The following BMERB1 variants were observed in gnomAD, a reference collection of about 807,000 sequenced individuals.
BMERB1 encodes the protein bMERB domain-containing protein 1.
A neutral mutation model predicts 23.6 loss-of-function variants in BMERB1; 12 were observed. The ratio of observed to expected loss-of-function variants is 0.51; its 90% CI spans 0.33 to 0.82. The LOEUF (loss-of-function observed/expected upper bound fraction) is 0.82. Among genes scored for constraint, BMERB1 ranks in the 40% least tolerant of loss-of-function variants. The pLI, the probability that BMERB1 is intolerant of heterozygous loss-of-function variation, is 0.03. For synonymous variants in BMERB1, 122 were observed against 96.6 expected (o/e 1.26, Z -1.54); for missense variants, 247 against 255.4 (o/e 0.97, Z 0.22).
At chr16:15,579,691 A>G (rs937055070) in intron 3 of BMERB1, among the ~76,000 whole-genome samples, 2 of 151,830 alleles carry the variant, frequency 1.3e-5, no homozygotes, top group South Asian at 2.1e-4. Context: ...TTGGCATCCT[A>G]GCACTTGGTG....
chr16:15,464,031 G>C (rs1397404128), intron 1 of BMERB1, among the ~76,000 whole-genome samples: 1 of 152,156 alleles, frequency 6.6e-6, no homozygotes, highest in Non-Finnish European at 1.5e-5. Context: ...AAAGAATCAA[G>C]GCCGCGCACA....
intron 2 of BMERB1, among the ~76,000 whole-genome samples, chr16:15,545,041 C>A (rs1028213006): frequency 6.6e-6 from 1 of 152,024 alleles, no homozygotes; most frequent in Non-Finnish European, 1.5e-5. Flanking sequence ...GGTGCAATCT[C>A]GGCTCACTGC....
At chr16:15,579,312 G>T (rs1348035548) in intron 3 of BMERB1, among the ~76,000 whole-genome samples, 1 of 152,124 alleles carries the variant, frequency 6.6e-6, no homozygotes, top group Non-Finnish European at 1.5e-5. Context: ...CGAGTGATTT[G>T]GGGAATCAGA....
intron 1 of BMERB1, among the ~76,000 whole-genome samples, chr16:15,470,163 T>G (rs2051216640): frequency 6.6e-6 from 1 of 152,218 alleles, no homozygotes; most frequent in East Asian, 1.9e-4. Context: ...TTATTCCTAC[T>G]TTCTGAGACT....
At chr16:15,473,401 A>G (rs1461464711) in intron 1 of BMERB1, among the ~76,000 whole-genome samples, 1 of 150,256 alleles carries the variant, frequency 6.7e-6, no homozygotes, top group African/African-American at 2.5e-5. Context: ...AGTGCTTCTC[A>G]TGTCTCAGCC....
intron 1 of BMERB1, among the ~76,000 whole-genome samples, chr16:15,456,429 C>T (rs980245477): frequency 6.6e-6 from 1 of 151,920 alleles, no homozygotes; most frequent in African/African-American, 2.4e-5. Flanking sequence ...CTCTGCCTCC[C>T]AGGTTCAAGT....
chr16:15,507,133 T>C (rs538474353), intron 1 of BMERB1, among the ~76,000 whole-genome samples: 45 of 152,314 alleles, frequency 3.0e-4, no homozygotes, highest in African/African-American at 9.1e-4. Flanking sequence ...ATTCCTACCA[T>C]GACCCCTGAT....
At chr16:15,542,239 T>C (rs2052093094) in intron 2 of BMERB1, among the ~76,000 whole-genome samples, 1 of 151,876 alleles carries the variant, frequency 6.6e-6, no homozygotes, top group Non-Finnish European at 1.5e-5. Context: ...AATTTTTGTA[T>C]TTTTAGTAGA....
chr16:15,581,277 A>G lies in BMERB1; in HGVS notation c.365A>G (p.Lys122Arg), dbSNP rs749119469. 17 of 1,614,020 alleles carry G rather than the reference A, an allele frequency of 1.1e-5. No individual in the cohort carries two copies. Among genetic ancestry groups the G allele is most frequent in the South Asian group, 8.8e-5 (8 of 91,058 alleles). ...GATGAGCTAATCCAGAAGATCCACA[A>G]ACTGGTGCAGAAGAGAGACTTCCTG... ...REDELIQKIH[K>R]LVQKRDFLVD... Residue 122 changes from lysine (K) to arginine (R), a missense_variant, in exon 4 of 6, where the codon AAA becomes AGA. By Grantham distance (26) the Lys-to-Arg change is conservative. Transcript: ENST00000300006.
intron 1 of BMERB1, among the ~76,000 whole-genome samples, chr16:15,452,291 A>G (rs1204150380): frequency 1.4e-5 from 2 of 147,516 alleles, no homozygotes; most frequent in East Asian, 4.1e-4. Context: ...TTAAAAAAAA[A>G]AAAAGAAAAG....
intron 2 of BMERB1, among the ~76,000 whole-genome samples, chr16:15,518,835 C>T (rs182834407): frequency 9.7e-5 from 13 of 133,574 alleles, no homozygotes; most frequent in Admixed American, 2.4e-4. Flanking sequence ...AGGGGAGAGG[C>T]GGACAGGGGA....
At chr16:15,537,176 C>G (rs973707934) in intron 2 of BMERB1, among the ~76,000 whole-genome samples, 11 of 152,268 alleles carry the variant, frequency 7.2e-5, no homozygotes, top group Non-Finnish European at 1.5e-4. Flanking sequence ...ATTATAAGCA[C>G]AGGCTTTCTG....
chr16:15,542,418 C>G (rs1433326141), intron 2 of BMERB1, among the ~76,000 whole-genome samples: 1 of 152,066 alleles, frequency 6.6e-6, no homozygotes, highest in South Asian at 2.1e-4. Context: ...GAGGCCCCAA[C>G]CTGAAGCCAT....
intron 1 of BMERB1, among the ~76,000 whole-genome samples, chr16:15,506,262 G>A (rs1169768042): frequency 2.6e-5 from 4 of 151,634 alleles, no homozygotes; most frequent in South Asian, 2.1e-4. Flanking sequence ...TACAAGCTCC[G>A]CCTCCCAGGT....
chr16:15,516,963 G>C (rs2051768481), intron 2 of BMERB1, among the ~76,000 whole-genome samples: 2 of 152,246 alleles, frequency 1.3e-5, no homozygotes, highest in South Asian at 4.1e-4. Flanking sequence ...TCACTGGGAC[G>C]TTATATGACC....
At chr16:15,442,203 T>A (rs779468688) in intron 1 of BMERB1, among the ~76,000 whole-genome samples, 10 of 151,990 alleles carry the variant, frequency 6.6e-5, no homozygotes, top group African/African-American at 1.7e-4. Context: ...TGGTGGCGCA[T>A]GCCTGTAATC....
chr16:15,444,868 C>T (rs1376084484), intron 1 of BMERB1, among the ~76,000 whole-genome samples: 2 of 152,106 alleles, frequency 1.3e-5, no homozygotes, highest in African/African-American at 4.8e-5. Flanking sequence ...CAATAATAAC[C>T]ATGAGGAATT....
chr16:15,512,534 C>CA (rs1439437088), intron 1 of BMERB1, among the ~76,000 whole-genome samples: 2 of 152,112 alleles, frequency 1.3e-5, no homozygotes, highest in African/African-American at 4.8e-5. Flanking sequence ...TGCTTGAGGC[C>CA]AGAAGTTCCA....
chr16:15,434,942 G>C lies in BMERB1; in HGVS notation c.106+183G>C, dbSNP rs367708384. ...GACGCGCTCTCCCCGCGAACAAAAG[G>C]GGGGGACCCTCCGGGCTGAGCCTCA... On this transcript the variant is annotated intron_variant, in intron 1 of 5. Coordinates refer to ENST00000300006, the MANE Select transcript of BMERB1 (RefSeq NM_033201.3). Among the ~76,000 whole-genome samples, 641 of 152,358 alleles carry C rather than the reference G, an allele frequency of 4.2e-3. 10 individuals are homozygous for C. The highest frequency in any genetic ancestry group is 0.015 in the African/African-American group (604 of 41,596).
Sources: gnomAD v4.1 joint callset for allele counts (sites outside exome capture counted in the v4.1 genomes callset) on GRCh38, gnomAD v4.1.1 for gene constraint, MANE v1.5 for transcripts, NCBI Gene and HGNC (gene_info 2026-07-23, HGNC 2026-07-21) for gene names.